ALPK1: variants seen among roughly 807,000 people sequenced by gnomAD.
ALPK1 encodes the protein alpha-protein kinase 1.
A neutral mutation model predicts 120.6 loss-of-function variants in ALPK1; 110 were observed. The observed-to-expected ratio is 0.91, with a 90% CI of 0.78 to 1.07. ALPK1 has a LOEUF of 1.07. Among genes scored for constraint, ALPK1 ranks in the 50% least tolerant of loss-of-function variants. The pLI is 0.00. For missense variants in ALPK1, 1,498 were observed against 1,483.9 expected, an observed-to-expected ratio of 1.01 and a Z score of -0.16; for synonymous variants, 582 against 560.3, an observed-to-expected ratio of 1.04 and a Z score of -0.55.
rs899690943 is a variant in ALPK1 at position 112,299,457 on chromosome 4, A to G, written c.-153+1988A>G. Among the ~76,000 whole-genome samples the G allele has an allele frequency of 2.6e-5, 4 of 152,184 alleles. No individual in the cohort carries two copies. In the South Asian group the frequency reaches 8.3e-4, roughly 31 times the overall value. On this transcript the variant is annotated intron_variant, in intron 1 of 15. Coordinates refer to ENST00000650871, the MANE Select transcript of ALPK1 (RefSeq NM_025144.4). ...TTTCATGAATACTGTTGTTCAGGAA[A>G]GTGTTAAGTAAGAAGTTGAGCTAAT...
chr4:112,329,854 G>A (rs973363701), intron 2 of ALPK1, among the ~76,000 whole-genome samples: 10 of 152,194 alleles, frequency 6.6e-5, no homozygotes, highest in African/African-American at 2.4e-4. Flanking sequence ...TCTGTACATG[G>A]TAAGTACTCA....
intron 12 of ALPK1, among the ~76,000 whole-genome samples, chr4:112,437,348 T>G (rs1734831407): frequency 6.6e-6 from 1 of 151,972 alleles, no homozygotes; most frequent in South Asian, 2.1e-4. Flanking sequence ...AAATCCTCAC[T>G]AAAGAAAAAT....
intron 4 of ALPK1, among the ~76,000 whole-genome samples, chr4:112,411,463 G>A (rs1281485928): frequency 6.6e-6 from 1 of 152,188 alleles, no homozygotes; most frequent in African/African-American, 2.4e-5. Flanking sequence ...GGCCTCAAGA[G>A]ATCCACACGC....
At chr4:112,340,196 A>C (rs544158856) in intron 2 of ALPK1, among the ~76,000 whole-genome samples, 38 of 152,368 alleles carry the variant, frequency 2.5e-4, no homozygotes, top group African/African-American at 9.1e-4. Flanking sequence ...GTAGCTCTTT[A>C]AAGAGGATTA....
chr4:112,411,707 ATT>A lies in ALPK1; in HGVS notation c.277-116_277-115del, dbSNP rs758628899. The A allele has an allele frequency of 1.6e-5, 15 of 928,006 alleles. No individual in the cohort carries two copies. The Middle Eastern group carries it at 8.5e-4, about 53-fold the overall frequency. The allele number at this position is 928,006 out of a possible 1,614,324, so 57.5% of individuals were successfully genotyped here. A position where few individuals can be genotyped will look rare whatever the true frequency, so the allele number is the denominator to read the frequency against. On this transcript the variant is annotated intron_variant, in intron 4 of 15. Transcript: ENST00000650871. The stretch of plus-strand genomic sequence containing the variant: ...TTTCGGTTCAGCTGCCTAACAAAGT[ATT>A]TTTCTCTTCCTAGCTGTGGGTTTTG...
chr4:112,406,416 G>C (rs1733175861), intron 4 of ALPK1, among the ~76,000 whole-genome samples: 1 of 152,154 alleles, frequency 6.6e-6, no homozygotes, highest in Non-Finnish European at 1.5e-5. Context: ...TATCTAAAGT[G>C]GTCAACTTCA....
At chr4:112,385,408 C>T (rs1331526900) in intron 4 of ALPK1, among the ~76,000 whole-genome samples, 1 of 152,178 alleles carries the variant, frequency 6.6e-6, no homozygotes, top group African/African-American at 2.4e-5. Flanking sequence ...CACTCAGTAG[C>T]AGCTCTAAGG....
At chr4:112,380,299 T>C (rs1449785948) in intron 3 of ALPK1, among the ~76,000 whole-genome samples, 1 of 152,214 alleles carries the variant, frequency 6.6e-6, no homozygotes, top group African/African-American at 2.4e-5. Flanking sequence ...GGTCAGGTTT[T>C]CCAGCAGAAT....
At chr4:112,358,820 C>T in intron 2 of ALPK1, 1 of 814,196 alleles carries the variant, frequency 1.2e-6, no homozygotes, top group Admixed American at 1.7e-5. Context: ...GCCAAGCCAA[C>T]TTTGCCACCT....
chr4:112,438,577 A>G lies in ALPK1; in HGVS notation c.3282A>G (p.Glu1094=). The change falls in exon 13 of 16, where the codon GAA becomes GAG. Residue 1094 remains glutamate (E), a synonymous_variant. Coordinates refer to ENST00000650871, the MANE Select transcript of ALPK1 (RefSeq NM_025144.4). ...RQMTAQHYVT[E]FNKRLYEQNI... is the part of the protein sequence containing the mutation. Reference sequence around the variant, plus strand: ...TGACCGCACAGCACTATGTGACAGAATTTAACAAGAGACTCTATGAACAAA... The same window carrying G: ...TGACCGCACAGCACTATGTGACAGAGTTTAACAAGAGACTCTATGAACAAA... 6.2e-7 allele frequency: 1 copy of G among 1,613,950 alleles called. No individual in the cohort carries two copies. Among genetic ancestry groups the G allele is most frequent in the Non-Finnish European group, 8.5e-7 (1 of 1,179,844 alleles).
chr4:112,403,613 TTCCTCCTGAAGAGACACAA>T (rs528375892), intron 4 of ALPK1, among the ~76,000 whole-genome samples: 1 of 152,328 alleles, frequency 6.6e-6, no homozygotes, highest in Non-Finnish European at 1.5e-5. Context: ...AGTGCTTATT[TTCCTCCTGAAGAGACACAA>T]ACAGATGCAA....
At chr4:112,440,845 A>T in intron 14 of ALPK1, 72 bp from the exon 15 acceptor site, 2 of 932,642 alleles carry the variant, frequency 2.1e-6, no homozygotes, top group Non-Finnish European at 2.9e-6. Flanking sequence ...GTGTGTGTGT[A>T]TGTATTTTTG....
At chr4:112,398,940 G>A (rs1732787281) in intron 4 of ALPK1, among the ~76,000 whole-genome samples, 1 of 152,206 alleles carries the variant, frequency 6.6e-6, no homozygotes, top group Non-Finnish European at 1.5e-5. Flanking sequence ...ATGAGTGAAT[G>A]AGTCATCACT....
At chr4:112,311,738 G>A (rs1158118515) in intron 1 of ALPK1, among the ~76,000 whole-genome samples, 2 of 152,192 alleles carry the variant, frequency 1.3e-5, no homozygotes, top group Non-Finnish European at 2.9e-5. Context: ...CCAATACCAA[G>A]ATAGCAGAGA....
At position 112,439,686 on chromosome 4, in the gene ALPK1, A is replaced by AT. The variant is rs745956291; in HGVS notation, c.3356dup (p.Leu1119PhefsTer26). On this transcript the variant is annotated frameshift_variant and splice_region_variant, in exon 14 of 16. Coordinates refer to ENST00000650871, the MANE Select transcript of ALPK1 (RefSeq NM_025144.4). LOFTEE classifies it high-confidence loss of function. Reference sequence around the variant, plus strand: ...AATGTTTCTCATTGCTATTTTTCAGATTTTAGAGGACAAGACAATAAAGGG... The same window carrying AT: ...AATGTTTCTCATTGCTATTTTTCAGATTTTTAGAGGACAAGACAATAAAGGG... The AT allele has an allele frequency of 3.1e-6, 5 of 1,593,812 alleles. No individual in the cohort carries two copies. In the African/African-American group the frequency reaches 4.1e-5, roughly 13 times the overall value.
intron 4 of ALPK1, among the ~76,000 whole-genome samples, chr4:112,394,595 C>A (rs143177071): frequency 7.6e-4 from 115 of 152,244 alleles, no homozygotes; most frequent in Non-Finnish European, 5.3e-4. Flanking sequence ...TAAAACTCTG[C>A]CAAAAACTGC....
chr4:112,429,894 GA>G (rs1457198274), intron 10 of ALPK1, among the ~76,000 whole-genome samples: 2 of 135,934 alleles, frequency 1.5e-5, no homozygotes, highest in East Asian at 4.4e-4. Flanking sequence ...AAAAAAGAAA[GA>G]AAAAAATACT....
chr4:112,398,346 G>A (rs1195797827), intron 4 of ALPK1, among the ~76,000 whole-genome samples: 4 of 152,098 alleles, frequency 2.6e-5, no homozygotes, highest in African/African-American at 9.7e-5. Context: ...TGGAGCACAT[G>A]TGATGGTGTG....
At chr4:112,343,113 C>T (rs1729935856) in intron 2 of ALPK1, 1 of 152,296 alleles carries the variant, frequency 6.6e-6, no homozygotes. Flanking sequence ...TCTGTCCTGG[C>T]TTCTCCAGTT....
Sources: gnomAD v4.1 joint callset for allele counts (sites outside exome capture counted in the v4.1 genomes callset) on GRCh38, gnomAD v4.1.1 for gene constraint, MANE v1.5 for transcripts, NCBI Gene and HGNC (gene_info 2026-07-23, HGNC 2026-07-21) for gene names.